The following KIF13A variants were observed in gnomAD, a reference collection of about 807,000 sequenced individuals.
KIF13A encodes kinesin-like protein KIF13A.
Under a neutral mutation model 212.2 loss-of-function variants are expected in KIF13A, and 79 were observed. The observed-to-expected ratio is 0.37, with a 90% CI of 0.31 to 0.45. KIF13A has a LOEUF of 0.45. Among genes scored for constraint, KIF13A ranks in the 20% least tolerant of loss-of-function variants. The pLI, the probability that KIF13A is intolerant of heterozygous loss-of-function variation, is 1.00. For missense variants in KIF13A, 1,901 were observed against 2,209.0 expected, an observed-to-expected ratio of 0.86 and a Z score of 2.79; for synonymous variants, 789 against 808.6, an observed-to-expected ratio of 0.98 and a Z score of 0.41.
At chr6:17,875,092 G>C (rs1165689461) in intron 3 of KIF13A, among the ~76,000 whole-genome samples, 1 of 151,588 alleles carries the variant, frequency 6.6e-6, no homozygotes, top group East Asian at 1.9e-4. Flanking sequence ...TTGCGATTGT[G>C]AACTGTGCCA....
chr6:17,948,291 C>T (rs775777260), intron 2 of KIF13A, among the ~76,000 whole-genome samples: 2 of 152,096 alleles, frequency 1.3e-5, no homozygotes, highest in South Asian at 2.1e-4. Flanking sequence ...ACTGAGTAGT[C>T]GAGTGGTTTT....
rs572015234 is a variant in KIF13A at position 17,809,839 on chromosome 6, A to C, written c.2001-909T>G. On this transcript the variant is annotated intron_variant, in intron 17 of 38. Transcript: ENST00000259711. This position sits in a 1 kb window ranked among gnomAD's most constrained non-coding sequence, Gnocchi z 4.7. Reference sequence around the variant, plus strand: ...TACATCATAGAAAAATAATGAACTCAAAGCACCTAAATCTCTACTCCTCAC... The same window carrying C: ...TACATCATAGAAAAATAATGAACTCCAAGCACCTAAATCTCTACTCCTCAC... 6.6e-6 allele frequency among the ~76,000 whole-genome samples: 1 copy of C among 152,342 alleles called. No individual in the cohort carries two copies. Among genetic ancestry groups the C allele is most frequent in the East Asian group, 1.9e-4 (1 of 5,184 alleles).
intron 3 of KIF13A, among the ~76,000 whole-genome samples, chr6:17,889,671 C>T (rs181776510): frequency 4.6e-5 from 7 of 152,236 alleles, no homozygotes; most frequent in Admixed American, 3.9e-4. Context: ...CCCTCTGTAT[C>T]CTTGGAGACT....
chr6:17,862,310 A>G (rs1387826282), intron 4 of KIF13A, among the ~76,000 whole-genome samples: 1 of 152,380 alleles, frequency 6.6e-6, no homozygotes, highest in East Asian at 1.9e-4. Flanking sequence ...TAATAAACCA[A>G]TATAGGTAAA....
At chr6:17,780,659 C>T (rs976690100) in intron 31 of KIF13A, 71 bp downstream of exon 31, 1 of 1,437,494 alleles carries the variant, frequency 7.0e-7, no homozygotes, top group Admixed American at 1.8e-5. Flanking sequence ...AAAAACACTG[C>T]TTTGTGATAG....
At chr6:17,774,263 AG>A (rs1325673964) in intron 35 of KIF13A, among the ~76,000 whole-genome samples, 6 of 152,200 alleles carry the variant, frequency 3.9e-5, no homozygotes, top group Non-Finnish European at 8.8e-5. Flanking sequence ...TATGTATTCA[AG>A]AAATATTTGT....
chr6:17,906,259 T>C (rs1247250296), intron 2 of KIF13A, among the ~76,000 whole-genome samples: 2 of 152,190 alleles, frequency 1.3e-5, no homozygotes, highest in African/African-American at 2.4e-5. Context: ...CAGAATCTAC[T>C]AAGTTTAAGT....
In KIF13A at chr6:17,834,077, A is replaced by G; in HGVS notation, c.1156-6T>C. 1.3e-6 allele frequency: 2 copies of G among 1,560,610 alleles called. No homozygotes were observed. Among genetic ancestry groups the G allele is most frequent in the Non-Finnish European group, 1.7e-6 (2 of 1,157,418 alleles). ...AGTTCAGGGGCCTTCATGGCCTTTAAAATGAAATCAGAGATATCTGATGTT... is the reference window on the plus strand; with the variant it reads ...AGTTCAGGGGCCTTCATGGCCTTTAGAATGAAATCAGAGATATCTGATGTT... On this transcript the variant is annotated splice_region_variant and splice_polypyrimidine_tract_variant and intron_variant, in intron 11 of 38. Transcript: ENST00000259711. This position sits in a 1 kb window ranked among gnomAD's most constrained non-coding sequence, Gnocchi z 4.0.
Position 17,850,431 on chromosome 6 carries a change from T to C in KIF13A, c.609A>G (p.Gly203=). The C allele has an allele frequency of 6.2e-7, 1 of 1,613,586 alleles. No homozygotes were observed. The highest frequency in any genetic ancestry group is 8.5e-7 in the Non-Finnish European group (1 of 1,179,730). The part of the protein sequence containing the change: ...FEDIESLMSE[G]NKSRTVAATN... ...TAGCAGCTACCGTTCGAGACTTATT[T>C]CCCTCAGACATCAATGACTCAATAT... Residue 203 remains glycine (G), a synonymous_variant, in exon 8 of 39, where the codon GGA becomes GGG. Coordinates refer to ENST00000259711, the MANE Select transcript of KIF13A (RefSeq NM_022113.6). The surrounding 1 kb of genome is among the most constrained non-coding windows in gnomAD (Gnocchi z 6.2).
rs1018004020 is a variant in KIF13A, at chr6:17,828,550, A to T, written c.1402-180T>A. On this transcript the variant is annotated intron_variant, in intron 13 of 38. Coordinates refer to ENST00000259711, the MANE Select transcript of KIF13A (RefSeq NM_022113.6). The surrounding 1 kb of genome is among the most constrained non-coding windows in gnomAD (Gnocchi z 4.3). The stretch of plus-strand genomic sequence containing the variant: ...ACGCTTACCCTTAATACACCAAATT[A>T]AAAAAAAATGTTTAAACACTACCAA... Among the ~76,000 whole-genome samples the T allele has an allele frequency of 1.4e-5, 2 of 142,108 alleles. No homozygotes were observed. Among genetic ancestry groups the T allele is most frequent in the African/African-American group, 3.1e-5 (1 of 32,266 alleles). 93.2% of individuals were successfully genotyped at this position (142,108 alleles called of 152,430 possible).
In KIF13A at chr6:17,763,944, C is replaced by T. The variant is rs1227506174; in HGVS notation, c.*166G>A. On this transcript the variant is annotated 3_prime_UTR_variant, in exon 39 of 39. Transcript: ENST00000259711. Reference sequence around the variant, plus strand: ...CACTGGTCTTATAATTTCACAATTGCGTTCTAGTTCCCAAAACAGACTTGC... The same window carrying T: ...CACTGGTCTTATAATTTCACAATTGTGTTCTAGTTCCCAAAACAGACTTGC... 11 of 1,437,130 alleles carry T rather than the reference C, an allele frequency of 7.7e-6. No individual in the cohort carries two copies. Among genetic ancestry groups the T allele is most frequent in the South Asian group, 3.1e-5 (2 of 65,126 alleles). The allele number at this position is 1,437,130 out of a possible 1,614,324, so 89.0% of individuals were successfully genotyped here. A position where few individuals can be genotyped will look rare whatever the true frequency, so the allele number is the denominator to read the frequency against.
downstream of KIF13A, chr6:17,760,959 C>G: frequency 2.9e-6 from 4 of 1,394,570 alleles, no homozygotes; most frequent in African/African-American, 4.2e-5. Flanking sequence ...CAGCCCAGTC[C>G]ACACCCATCA....
rs569141115 is a variant in KIF13A, at chr6:17,843,810, C to T, written c.830+5567G>A. ...CCTGTAATCCACCACTTTTGGAGGC[C>T]GAGGGGGGCACATCACCTGAGGTCA... On this transcript the variant is annotated intron_variant, in intron 9 of 38. Transcript: ENST00000259711. The surrounding 1 kb of genome is among the most constrained non-coding windows in gnomAD (Gnocchi z 5.3). Among the ~76,000 whole-genome samples, 4 of 152,138 alleles carry T rather than the reference C, an allele frequency of 2.6e-5. No individual in the cohort carries two copies. The highest frequency in any genetic ancestry group is 2.1e-4 in the South Asian group (1 of 4,812).
chr6:17,849,257 G>A lies in KIF13A; in HGVS notation c.830+120C>T. On this transcript the variant is annotated intron_variant, in intron 9 of 38. Coordinates refer to ENST00000259711, the MANE Select transcript of KIF13A (RefSeq NM_022113.6). This position sits in a 1 kb window ranked among gnomAD's most constrained non-coding sequence, Gnocchi z 5.7. Reference sequence around the variant, plus strand: ...GTTGTTGTTGTTTTTCTTCAGCCCAGTTTACTAAAGCTATACAGACTTTAA... The same window carrying A: ...GTTGTTGTTGTTTTTCTTCAGCCCAATTTACTAAAGCTATACAGACTTTAA... 4.5e-6 allele frequency: 3 copies of A among 661,584 alleles called. No homozygotes were observed. The highest frequency in any genetic ancestry group is 7.7e-6 in the Non-Finnish European group (3 of 391,236). The allele number at this position is 661,584 out of a possible 1,614,324, so 41.0% of individuals were successfully genotyped here.
chr6:17,760,824 A>C, downstream of KIF13A: 1 of 1,612,494 alleles, frequency 6.2e-7, no homozygotes, highest in East Asian at 2.2e-5. Flanking sequence ...CAAAGACGCC[A>C]AGCTGTGGCC....
At chr6:17,860,369 A>C (rs921516865) in intron 4 of KIF13A, among the ~76,000 whole-genome samples, 8 of 151,852 alleles carry the variant, frequency 5.3e-5, no homozygotes, top group African/African-American at 1.9e-4. Context: ...TTGTATTTTT[A>C]GTAGAGACAG....
At chr6:17,866,822 G>T in intron 4 of KIF13A, among the ~76,000 whole-genome samples, 1 of 86,390 alleles carries the variant, frequency 1.2e-5, no homozygotes, top group South Asian at 3.8e-4. Context: ...GAACAAAAAA[G>T]CAGCGCATAT....
rs766492554 is a variant in KIF13A, at chr6:17,808,809, T to A, written c.2122A>T (p.Thr708Ser). 6.2e-7 allele frequency: 1 copy of A among 1,613,808 alleles called. No homozygotes were observed. The highest frequency in any genetic ancestry group is 1.7e-5 in the Admixed American group (1 of 59,994). The change falls in exon 18 of 39, where the codon ACT (threonine) becomes TCT (serine). Residue 708 changes from threonine (T) to serine (S), a missense_variant. Thr to Ser is a moderately conservative substitution (Grantham distance 58). Transcript: ENST00000259711. Reference sequence around the variant, plus strand: ...AGGTTTGCAGCAGGGATCTGAAGAGTCACTTGGTAATCGGTGAGTTTGCTC... The same window carrying A: ...AGGTTTGCAGCAGGGATCTGAAGAGACACTTGGTAATCGGTGAGTTTGCTC... ...EMSKLTDYQV[T>S]LQIPAANLSA...
intron 2 of KIF13A, among the ~76,000 whole-genome samples, chr6:17,920,764 C>A (rs1265869840): frequency 6.6e-6 from 1 of 151,666 alleles, no homozygotes. Flanking sequence ...ATCCCAGCTA[C>A]CCAGGAGGCT....
Sources: allele counts gnomAD v4.1 joint callset (sites outside exome capture counted in the v4.1 genomes callset), GRCh38; gene constraint gnomAD v4.1.1; non-coding constraint Gnocchi (gnomAD v3.1); transcripts MANE v1.5; gene names NCBI Gene and HGNC (gene_info 2026-07-23, HGNC 2026-07-21).